Variants in ADAMTS12 observed in about 807,000 individuals in gnomAD.
The protein encoded by ADAMTS12 is A disintegrin and metalloproteinase with thrombospondin motifs 12.
In ADAMTS12, 118 loss-of-function variants were observed where a neutral mutation model predicts 167.8. The observed-to-expected ratio is 0.70, with a 90% CI of 0.61 to 0.82. ADAMTS12 has a LOEUF of 0.82. ADAMTS12 is among the 40% of genes least tolerant of loss of function. ADAMTS12 has a pLI of 0.00. For synonymous variants in ADAMTS12, 704 were observed against 716.9 expected (o/e 0.98, Z 0.29); for missense variants, 1,916 against 1,998.8 (o/e 0.96, Z 0.79).
chr5:33,764,377 G>A (rs1216742749), intron 2 of ADAMTS12, among the ~76,000 whole-genome samples: 1 of 152,132 alleles, frequency 6.6e-6, no homozygotes, highest in East Asian at 1.9e-4. Context: ...TTTATCATGT[G>A]CCACTAAGAT....
chr5:33,627,956 G>C (rs1325925086), intron 13 of ADAMTS12, among the ~76,000 whole-genome samples: 3 of 147,914 alleles, frequency 2.0e-5, no homozygotes, highest in African/African-American at 7.6e-5. Flanking sequence ...AAGGACACAT[G>C]CATAACGTTG....
intron 23 of ADAMTS12, among the ~76,000 whole-genome samples, chr5:33,533,950 C>A (rs1744244662): frequency 6.6e-6 from 1 of 152,216 alleles, no homozygotes; most frequent in African/African-American, 2.4e-5. Context: ...TCTCCCAGCA[C>A]AAAGGGCTAT....
intron 12 of ADAMTS12, among the ~76,000 whole-genome samples, chr5:33,633,000 G>A (rs1342187639): frequency 4.6e-5 from 7 of 151,714 alleles, no homozygotes; most frequent in African/African-American, 1.7e-4. Context: ...GGTAAACCAT[G>A]ATGCCATGAT....
intron 17 of ADAMTS12, among the ~76,000 whole-genome samples, chr5:33,595,697 CCAAA>C (rs1399604196): frequency 6.6e-6 from 1 of 152,188 alleles, no homozygotes; most frequent in Non-Finnish European, 1.5e-5. Flanking sequence ...GTTAGTCTTG[CCAAA>C]TAATTAAACA....
rs182749859 is a variant in ADAMTS12, at chr5:33,527,110, C to T, written c.*78G>A. 41 of 1,539,270 alleles carry T rather than the reference C, an allele frequency of 2.7e-5. 1 individual carries two copies. The highest frequency in any genetic ancestry group is 1.7e-4 in the African/African-American group (12 of 72,334). On this transcript the variant is annotated 3_prime_UTR_variant, in exon 24 of 24. Coordinates refer to ENST00000504830, the MANE Select transcript of ADAMTS12 (RefSeq NM_030955.4). ...TGAAATATATGAAGCAAAACCTCAA[C>T]GAAGCAGCTCCCAGGGCTAAAGCAT...
chr5:33,876,105 T>C (rs1750215778), intron 2 of ADAMTS12, among the ~76,000 whole-genome samples: 1 of 152,258 alleles, frequency 6.6e-6, no homozygotes, highest in South Asian at 2.1e-4. Flanking sequence ...CATATAGAGC[T>C]AGGATGTTGA....
At chr5:33,575,993 GAATTT>G (rs1490525357) in intron 19 of ADAMTS12, 56 bp downstream of exon 19, 1 of 1,531,830 alleles carries the variant, frequency 6.5e-7, no homozygotes, top group Non-Finnish European at 8.7e-7. Flanking sequence ...ATTTTCACAT[GAATTT>G]AACACTCCTA....
At chr5:33,730,289 G>GGTGTGTGTGTGTGTGTGTGTGTGTGT (rs762232547) in intron 3 of ADAMTS12, among the ~76,000 whole-genome samples, 4 of 144,150 alleles carry the variant, frequency 2.8e-5, no homozygotes, top group Non-Finnish European at 4.6e-5. Context: ...AGTCCATTAG[G>GGTGTGTGTGTGTGTGTGTGTGTGTGT]GTGTGTGTGT....
At chr5:33,634,318 T>G (rs1177869585) in intron 12 of ADAMTS12, among the ~76,000 whole-genome samples, 1 of 152,132 alleles carries the variant, frequency 6.6e-6, no homozygotes, top group African/African-American at 2.4e-5. Context: ...TGAATGCTAT[T>G]GTCTCTGTCT....
chr5:33,812,936 T>C lies in ADAMTS12; in HGVS notation c.490-61388A>G, dbSNP rs151334792. Among the ~76,000 whole-genome samples the C allele has an allele frequency of 2.3e-3, 352 of 152,272 alleles. 1 individual carries two copies. Among genetic ancestry groups the C allele is most frequent in the African/African-American group, 8.2e-3 (341 of 41,560 alleles). Reference sequence around the variant, plus strand: ...CTTTTCATTTAGAACCTAGCCAAGATGCCATAAGGAAGCCCAGGCCGCCAG... The same window carrying C: ...CTTTTCATTTAGAACCTAGCCAAGACGCCATAAGGAAGCCCAGGCCGCCAG... On this transcript the variant is annotated intron_variant, in intron 2 of 23. Coordinates refer to ENST00000504830, the MANE Select transcript of ADAMTS12 (RefSeq NM_030955.4).
At chr5:33,687,653 A>G (rs957193002) in intron 3 of ADAMTS12, among the ~76,000 whole-genome samples, 5 of 152,250 alleles carry the variant, frequency 3.3e-5, no homozygotes, top group African/African-American at 4.8e-5. Context: ...TATTATAGAT[A>G]GTGCCGGAAG....
rs1003783633 is a variant in ADAMTS12 at position 33,888,654 on chromosome 5, G to C, written c.127+3076C>G. ...TATGGAATAAAGTGACTGTCCTGTT[G>C]ATTTCACAGAGATGTCAGGAGCAAA... On this transcript the variant is annotated intron_variant, in intron 1 of 23. Transcript: ENST00000504830. 2.6e-5 allele frequency among the ~76,000 whole-genome samples: 4 copies of C among 152,164 alleles called. No homozygotes were observed. In the South Asian group the frequency reaches 8.3e-4, roughly 31 times the overall value.
intron 2 of ADAMTS12, among the ~76,000 whole-genome samples, chr5:33,772,185 G>A (rs1330727590): frequency 1.3e-5 from 2 of 151,870 alleles, no homozygotes. Context: ...AGTATATCCT[G>A]TGAAGTTTTC....
At chr5:33,816,804 G>A (rs1747671263) in intron 2 of ADAMTS12, among the ~76,000 whole-genome samples, 2 of 152,262 alleles carry the variant, frequency 1.3e-5, no homozygotes, top group South Asian at 2.1e-4. Context: ...CTAAGAGTGA[G>A]TAGGATTGTT....
intron 2 of ADAMTS12, among the ~76,000 whole-genome samples, chr5:33,826,469 T>G (rs1748073398): frequency 6.6e-6 from 1 of 152,098 alleles, no homozygotes; most frequent in Non-Finnish European, 1.5e-5. Flanking sequence ...TATGCATACA[T>G]GTATGTATGA....
rs779745704 is a variant in ADAMTS12, at chr5:33,865,865, G to A, written c.489+15254C>T. On this transcript the variant is annotated intron_variant, in intron 2 of 23. Coordinates refer to ENST00000504830, the MANE Select transcript of ADAMTS12 (RefSeq NM_030955.4). Reference sequence around the variant, plus strand: ...CAAGAACTCAATCCCTTTAACAATCGCTACAAAAGCAAAATACCTAGAAAT... The same window carrying A: ...CAAGAACTCAATCCCTTTAACAATCACTACAAAAGCAAAATACCTAGAAAT... 1.2e-4 allele frequency among the ~76,000 whole-genome samples: 18 copies of A among 152,040 alleles called. No homozygotes were observed. The South Asian group carries it at 2.9e-3, about 25-fold the overall frequency.
intron 2 of ADAMTS12, among the ~76,000 whole-genome samples, chr5:33,781,100 T>C (rs1246612732): frequency 6.6e-6 from 1 of 152,134 alleles, no homozygotes; most frequent in Admixed American, 6.5e-5. Context: ...GCTGAGTTCT[T>C]GGGGGACATT....
intron 3 of ADAMTS12, among the ~76,000 whole-genome samples, chr5:33,693,085 T>C (rs1271096754): frequency 6.6e-6 from 1 of 152,214 alleles, no homozygotes; most frequent in East Asian, 1.9e-4. Context: ...AAGCCTGCAA[T>C]TCAGCTATCT....
chr5:33,755,075 A>G (rs1745122445), intron 2 of ADAMTS12, among the ~76,000 whole-genome samples: 1 of 152,190 alleles, frequency 6.6e-6, no homozygotes, highest in Non-Finnish European at 1.5e-5. Context: ...TTCCCTCTCC[A>G]GATCAATAAC....
Sources: allele counts gnomAD v4.1 joint callset (sites outside exome capture counted in the v4.1 genomes callset), GRCh38; gene constraint gnomAD v4.1.1; transcripts MANE v1.5; gene names NCBI Gene and HGNC (gene_info 2026-07-23, HGNC 2026-07-21).